LRSAM1: variants seen among roughly 807,000 people sequenced by gnomAD.
LRSAM1 encodes the protein E3 ubiquitin-protein ligase LRSAM1.
A neutral mutation model predicts 118.1 loss-of-function variants in LRSAM1; 96 were observed. That is an observed-to-expected ratio of 0.81 (90% CI 0.69 to 0.96). The LOEUF (loss-of-function observed/expected upper bound fraction) is 0.96, where lower values mean the gene tolerates loss of function less well. LRSAM1 is among the 40% of genes least tolerant of loss of function. The probability of loss-of-function intolerance (pLI) is 0.00; values close to 1 mark genes in which losing one functional copy is unlikely to be tolerated. For missense variants in LRSAM1, 804 were observed against 915.5 expected, an observed-to-expected ratio of 0.88 and a Z score of 1.57; for synonymous variants, 322 against 364.2, an observed-to-expected ratio of 0.88 and a Z score of 1.32.
intron 6 of LRSAM1, among the ~76,000 whole-genome samples, chr9:127,458,487 C>T (rs1834613496): frequency 6.6e-6 from 1 of 151,478 alleles, no homozygotes; most frequent in Admixed American, 6.6e-5. Context: ...GGCTGAGGCA[C>T]GAGAATCACT....
In LRSAM1 at chr9:127,479,826, C is replaced by T. The variant is rs772819401; in HGVS notation, c.904-13C>T. 3.7e-6 allele frequency: 6 copies of T among 1,611,738 alleles called. No individual in the cohort carries two copies. The highest frequency in any genetic ancestry group is 3.3e-5 in the Admixed American group (2 of 59,948). The stretch of plus-strand genomic sequence containing the variant: ...GGGTCCCAGGGGCTCAGGACCCCTA[C>T]CTCCGGCTGCAGGAGCAGTCCCGGC... On this transcript the variant is annotated splice_polypyrimidine_tract_variant and intron_variant, in intron 13 of 25. Coordinates refer to ENST00000300417, the MANE Select transcript of LRSAM1 (RefSeq NM_001005373.4).
At chr9:127,500,615 CT>C (rs1836349112) in intron 24 of LRSAM1, among the ~76,000 whole-genome samples, 2 of 152,272 alleles carry the variant, frequency 1.3e-5, no homozygotes, top group Admixed American at 6.5e-5. Context: ...CCCCAGGGAT[CT>C]GCAGCTGCAT....
Position 127,461,324 on chromosome 9 carries a change from C to T in LRSAM1, c.406+67C>T, listed in dbSNP as rs914669946. ...TCTGGGCCATCCTGGCCGGGATCCA[C>T]AGGCTGCCCCGCCCGGGAGCCATTG... On this transcript the variant is annotated intron_variant, in intron 8 of 25. Coordinates refer to ENST00000300417, the MANE Select transcript of LRSAM1 (RefSeq NM_001005373.4). The T allele has an allele frequency of 1.5e-5, 22 of 1,450,388 alleles. No individual in the cohort carries two copies. The Admixed American group carries it at 2.6e-4, about 17-fold the overall frequency. The allele number at this position is 1,450,388 out of a possible 1,614,324, so 89.8% of individuals were successfully genotyped here.
At chr9:127,451,495 C>T (rs868169253), upstream of LRSAM1, 39 of 713,224 alleles carry the variant, frequency 5.5e-5, no homozygotes, top group East Asian at 8.3e-5. Context: ...CAGAGACGCC[C>T]TTGTCGCCAT....
Position 127,457,968 on chromosome 9 carries a change from CT to C in LRSAM1, c.252+589del, listed in dbSNP as rs147717838. 1.2e-3 allele frequency among the ~76,000 whole-genome samples: 177 copies of C among 144,658 alleles called. 1 individual carries two copies. The highest frequency in any genetic ancestry group is 2.0e-3 in the Admixed American group (29 of 14,458). The allele number at this position is 144,658 out of a possible 152,430, so 94.9% of individuals were successfully genotyped here. On this transcript the variant is annotated intron_variant, in intron 6 of 25. Coordinates refer to ENST00000300417, the MANE Select transcript of LRSAM1 (RefSeq NM_001005373.4). ...TGTGTTCACTACAGATGCTTTCTTT[CT>C]TTTTTTTTTTTTTAATATTTTGCAC...
rs111662869 is a variant in LRSAM1 at position 127,497,206 on chromosome 9, C to T, written c.1831-47C>T. The T allele has an allele frequency of 4.7e-4, 748 of 1,588,852 alleles. 1 individual carries two copies. The African/African-American group carries it at 8.6e-3, about 18-fold the overall frequency. On this transcript the variant is annotated intron_variant, in intron 23 of 25. Transcript: ENST00000300417. ...GTGCCACGTGGCTCACACCATTTAG[C>T]GGGCTCCCGCCCAGGCCACAGTCTG...
chr9:127,502,150 C>T (rs1030638928), intron 25 of LRSAM1, among the ~76,000 whole-genome samples: 5 of 152,236 alleles, frequency 3.3e-5, no homozygotes, highest in African/African-American at 9.6e-5. Context: ...CGGCAGGGGC[C>T]GGCGGAATAG....
At chr9:127,499,083 A>AAAT (rs1836268838) in intron 24 of LRSAM1, among the ~76,000 whole-genome samples, 1 of 151,012 alleles carries the variant, frequency 6.6e-6, no homozygotes. Flanking sequence ...AGAAAAAAAC[A>AAAT]AATATAGAAG....
intron 14 of LRSAM1, 97 bp from the exon 15 acceptor site, chr9:127,481,086 C>G (rs1835519116): frequency 7.3e-7 from 1 of 1,367,382 alleles, no homozygotes; most frequent in Non-Finnish European, 1.0e-6. Flanking sequence ...CAAGGTGCCC[C>G]CAGCCCATTT....
At chr9:127,460,458 A>G (rs1467280936) in intron 7 of LRSAM1, among the ~76,000 whole-genome samples, 1 of 152,236 alleles carries the variant, frequency 6.6e-6, no homozygotes, top group East Asian at 1.9e-4. Flanking sequence ...ACACGGCCTT[A>G]GGGCAGCCTT....
chr9:127,462,312 A>C lies in LRSAM1; in HGVS notation c.467A>C (p.Asn156Thr). Reference protein sequence around the residue: ...VGELRSLRTLNISGNEIQRLP... With the variant: ...VGELRSLRTLTISGNEIQRLP... ...GAGCTTCGAAGCCTGCGTACCCTCA[A>C]CATCAGTGGAAACGAGATCCAGAGA... Residue 156 changes from asparagine (N) to threonine (T), a missense_variant, in exon 9 of 26, where the codon AAC (asparagine) becomes ACC (threonine). Asn to Thr is a moderately conservative substitution (Grantham distance 65). Transcript: ENST00000300417. 31 of 1,614,100 alleles carry C rather than the reference A, an allele frequency of 1.9e-5. No homozygotes were observed. Among genetic ancestry groups the C allele is most frequent in the Non-Finnish European group, 2.5e-5 (30 of 1,180,014 alleles).
intron 15 of LRSAM1, among the ~76,000 whole-genome samples, chr9:127,482,088 T>C (rs759441695): frequency 2.0e-5 from 3 of 152,078 alleles, no homozygotes; most frequent in East Asian, 1.9e-4. Flanking sequence ...ACATAACATA[T>C]TGCTAATGGA....
chr9:127,454,484 C>T lies in LRSAM1; in HGVS notation c.-32-12C>T. On this transcript the variant is annotated splice_polypyrimidine_tract_variant and intron_variant, in intron 2 of 25. Coordinates refer to ENST00000300417, the MANE Select transcript of LRSAM1 (RefSeq NM_001005373.4). ...AAATTCCCCAGTCCCTAACTTCTCT[C>T]CTGTGCCCCAGGGTCCTAAAGATCG... 9 of 1,609,248 alleles carry T rather than the reference C, an allele frequency of 5.6e-6. No homozygotes were observed. Among genetic ancestry groups the T allele is most frequent in the Non-Finnish European group, 7.7e-6 (9 of 1,175,988 alleles).
At chr9:127,461,795 C>T (rs1018071301) in intron 8 of LRSAM1, among the ~76,000 whole-genome samples, 1 of 152,252 alleles carries the variant, frequency 6.6e-6, no homozygotes, top group Non-Finnish European at 1.5e-5. Context: ...GCGCTCTGCT[C>T]GCCACACCCA....
intron 17 of LRSAM1, among the ~76,000 whole-genome samples, chr9:127,486,092 G>A (rs1835719318): frequency 6.6e-6 from 1 of 152,240 alleles, no homozygotes; most frequent in South Asian, 2.1e-4. Flanking sequence ...TCGGCTAAGC[G>A]ATGAACCACA....
In LRSAM1 at chr9:127,493,018, G is replaced by A. The variant is rs908764436; in HGVS notation, c.1599+121G>A. On this transcript the variant is annotated intron_variant, in intron 21 of 25. Transcript: ENST00000300417. ...TTATTCATCAAAGAAAAACTGGAAA[G>A]TACAAAGGAAAATAATTGCATTTCC... The A allele has an allele frequency of 3.6e-5, 30 of 833,848 alleles. No homozygotes were observed. In the African/African-American group the frequency reaches 4.9e-4, roughly 14 times the overall value. 51.7% of individuals were successfully genotyped at this position (833,848 alleles called of 1,614,324 possible).
At chr9:127,460,627 G>A (rs1387532439) in intron 7 of LRSAM1, among the ~76,000 whole-genome samples, 1 of 152,214 alleles carries the variant, frequency 6.6e-6, no homozygotes, top group African/African-American at 2.4e-5. Context: ...TTCAAGGCCT[G>A]GCTGTGCTCT....
chr9:127,485,082 A>G (rs1055703812), intron 16 of LRSAM1, among the ~76,000 whole-genome samples: 2 of 152,008 alleles, frequency 1.3e-5, no homozygotes, highest in Non-Finnish European at 2.9e-5. Flanking sequence ...TGCTGGGATT[A>G]CAGGCATAAG....
intron 17 of LRSAM1, 76 bp from the exon 18 acceptor site, chr9:127,487,600 C>T: frequency 7.2e-7 from 1 of 1,383,120 alleles, no homozygotes; most frequent in South Asian, 1.2e-5. Context: ...ATCTTGATCT[C>T]CTCCAAGGGG....
Sources: allele counts gnomAD v4.1 joint callset (sites outside exome capture counted in the v4.1 genomes callset), GRCh38; gene constraint gnomAD v4.1.1; transcripts MANE v1.5; gene names NCBI Gene and HGNC (gene_info 2026-07-23, HGNC 2026-07-21).